The following PCDH11X variants were observed in gnomAD, a reference collection of about 807,000 sequenced individuals.
The protein encoded by PCDH11X is protocadherin 11 X-linked.
A neutral mutation model predicts 53.3 loss-of-function variants in PCDH11X; 18 were observed. That is an observed-to-expected ratio of 0.34 (90% CI 0.23 to 0.50). The LOEUF is 0.50. Ranked by LOEUF, PCDH11X falls within the 20% of genes least tolerant of loss-of-function variation. The probability of loss-of-function intolerance (pLI) is 0.98; values close to 1 mark genes in which losing one functional copy is unlikely to be tolerated. For synonymous variants in PCDH11X, 279 were observed against 393.3 expected (o/e 0.71, Z 3.44); for missense variants, 570 against 1,032.4 (o/e 0.55, Z 6.14).
At chrX:92,464,755 G>A (rs2148659487) in intron 9 of PCDH11X, among the ~76,000 whole-genome samples, 1 of 109,348 alleles carries the variant, frequency 9.1e-6, no homozygotes, top group African/African-American at 3.3e-5. Context: ...GAGATTCACT[G>A]GGGTGATTTG....
At chrX:92,072,357 G>C (rs1182359197) in intron 6 of PCDH11X, among the ~76,000 whole-genome samples, 2 of 110,511 alleles carry the variant, frequency 1.8e-5, no homozygotes, top group African/African-American at 6.6e-5. Flanking sequence ...TTCTCAAGCA[G>C]AAGGAGTTTT....
intron 8 of PCDH11X, among the ~76,000 whole-genome samples, chrX:92,341,376 C>A (rs1172024380): frequency 8.9e-6 from 1 of 111,749 alleles, no homozygotes; most frequent in Non-Finnish European, 1.9e-5. Flanking sequence ...TATAGAAATA[C>A]CCACTCCTTG....
At chrX:92,531,561 G>A (rs1452284434) in intron 10 of PCDH11X, among the ~76,000 whole-genome samples, 2 of 109,296 alleles carry the variant, frequency 1.8e-5, no homozygotes, top group African/African-American at 6.6e-5. Flanking sequence ...ATTGACATAT[G>A]AAGTTTTTTA....
intron 8 of PCDH11X, among the ~76,000 whole-genome samples, chrX:92,352,465 C>T (rs180949408): frequency 5.4e-4 from 60 of 111,674 alleles, no homozygotes; most frequent in African/African-American, 1.8e-3. Context: ...TAATAATTGA[C>T]CTTCTGAATT....
chrX:92,204,844 T>G (rs925577526), intron 7 of PCDH11X, among the ~76,000 whole-genome samples: 60 of 112,025 alleles, frequency 5.4e-4, no homozygotes, highest in African/African-American at 1.9e-3. Context: ...CTCAGGAAAC[T>G]TATAATCATG....
chrX:92,224,892 A>G (rs1253652172), intron 7 of PCDH11X, among the ~76,000 whole-genome samples: 1 of 112,255 alleles, frequency 8.9e-6, no homozygotes, highest in East Asian at 2.8e-4. Flanking sequence ...TAAAGTGATT[A>G]TCTCTTGCCC....
intron 6 of PCDH11X, among the ~76,000 whole-genome samples, chrX:92,011,678 A>G (rs1266629141): frequency 3.6e-5 from 4 of 111,074 alleles, no homozygotes; most frequent in African/African-American, 1.3e-4. Context: ...GTCATTTCCC[A>G]TTTTCCCACC....
chrX:92,578,991 T>C (rs1303494759), intron 10 of PCDH11X, among the ~76,000 whole-genome samples: 1 of 110,181 alleles, frequency 9.1e-6, no homozygotes, highest in Non-Finnish European at 1.9e-5. Context: ...ATTTTATTTC[T>C]CCTTCACTTA....
Position 92,135,044 on chromosome X carries a change from C to T in PCDH11X, c.3034-66331C>T, listed in dbSNP as rs1421493207. 5.5e-5 allele frequency among the ~76,000 whole-genome samples: 6 copies of T among 109,851 alleles called. No homozygotes were observed. In the East Asian group the frequency reaches 1.7e-3, roughly 32 times the overall value. On this transcript the variant is annotated intron_variant, in intron 6 of 10. Transcript: ENST00000682573. ...GCTCAGGTTCAAATGCCTCTGACAA[C>T]AGGAAGGACTATTTCTAGATATTAC...
At chrX:92,578,966 G>C (rs1275829039) in intron 10 of PCDH11X, among the ~76,000 whole-genome samples, 1 of 111,039 alleles carries the variant, frequency 9.0e-6, no homozygotes. Context: ...CTCAGCAATT[G>C]CTTGTCTGAA....
At chrX:92,107,652 G>A (rs1015987529) in intron 6 of PCDH11X, among the ~76,000 whole-genome samples, 10 of 112,253 alleles carry the variant, frequency 8.9e-5, no homozygotes, top group Admixed American at 5.6e-4. Flanking sequence ...CAGGAGAATC[G>A]CTTGAACTCA....
intron 7 of PCDH11X, among the ~76,000 whole-genome samples, chrX:92,215,999 T>C (rs186713387): frequency 0.15 from 16,596 of 108,890 alleles, 1,182 homozygotes; most frequent in Admixed American, 0.27. Context: ...AGGGTCCTGT[T>C]TGTTAGAAGG....
At chrX:91,924,082 G>T (rs911366599) in intron 6 of PCDH11X, among the ~76,000 whole-genome samples, 3 of 109,762 alleles carry the variant, frequency 2.7e-5, no homozygotes, top group Non-Finnish European at 5.7e-5. Context: ...AAGAATAATT[G>T]CCTGCCAGAG....
At chrX:92,485,260 G>T (rs1182945601) in intron 10 of PCDH11X, among the ~76,000 whole-genome samples, 1 of 110,788 alleles carries the variant, frequency 9.0e-6, no homozygotes, top group Non-Finnish European at 1.9e-5. Context: ...ATATAATAGT[G>T]TATTTACCCC....
At chrX:91,887,410 T>G (rs1323507722) in intron 6 of PCDH11X, among the ~76,000 whole-genome samples, 4 of 111,298 alleles carry the variant, frequency 3.6e-5, no homozygotes, top group African/African-American at 1.3e-4. Flanking sequence ...ATTAGTATTT[T>G]TAGAAAGAAC....
chrX:91,949,838 A>G (rs2061617928), intron 6 of PCDH11X, among the ~76,000 whole-genome samples: 1 of 108,470 alleles, frequency 9.2e-6, no homozygotes, highest in Non-Finnish European at 1.9e-5. Context: ...AAAAAGAACT[A>G]TCACAGTTGC....
chrX:92,074,555 T>C (rs1333668521), intron 6 of PCDH11X, among the ~76,000 whole-genome samples: 1 of 111,979 alleles, frequency 8.9e-6, no homozygotes, highest in Non-Finnish European at 1.9e-5. Context: ...CAATACTCAT[T>C]TTTATGTTAT....
chrX:92,170,032 T>G (rs1392510333), intron 6 of PCDH11X, among the ~76,000 whole-genome samples: 1 of 111,406 alleles, frequency 9.0e-6, no homozygotes, highest in Non-Finnish European at 1.9e-5. Flanking sequence ...CTAGTTATTC[T>G]GCTACTAATA....
intron 6 of PCDH11X, among the ~76,000 whole-genome samples, chrX:92,043,901 G>T (rs911683562): frequency 2.8e-4 from 31 of 109,806 alleles, no homozygotes; most frequent in African/African-American, 9.2e-4. Context: ...GTTAAAAAGA[G>T]ATATTCCAAC....
Sources: allele counts gnomAD v4.1 joint callset (sites outside exome capture counted in the v4.1 genomes callset), GRCh38; gene constraint gnomAD v4.1.1; transcripts MANE v1.5; gene names NCBI Gene and HGNC (gene_info 2026-07-23, HGNC 2026-07-21).